Variants in PPP1R2 observed in about 807,000 individuals in gnomAD.
The protein encoded by PPP1R2 is protein phosphatase inhibitor 2.
Under a neutral mutation model 29.9 loss-of-function variants are expected in PPP1R2, and 16 were observed. The ratio of observed to expected loss-of-function variants is 0.53; its 90% CI spans 0.36 to 0.81. The LOEUF is 0.81. Ranked by LOEUF, PPP1R2 falls within the 30% of genes least tolerant of loss-of-function variation. PPP1R2 has a pLI of 0.00. For missense variants in PPP1R2, 197 were observed against 252.7 expected (o/e 0.78, Z 1.49); for synonymous variants, 76 against 91.5 (o/e 0.83, Z 0.96).
rs550230875 is a variant in PPP1R2 at position 195,516,151 on chromosome 3, T to A, written c.*745A>T. 3 of 152,620 alleles carry A rather than the reference T, an allele frequency of 2.0e-5. No homozygotes were observed. Among genetic ancestry groups the A allele is most frequent in the Admixed American group, 6.5e-5 (1 of 15,282 alleles). The allele number at this position is 152,620 out of a possible 1,614,324, so 9.5% of individuals were successfully genotyped here. ...AGCTACATTAGAATATTTATTTTTT[T>A]AAAAAACTGCTCTGAAGTCTGCCCA... On this transcript the variant is annotated 3_prime_UTR_variant, in exon 6 of 6. Transcript: ENST00000618156.
chr3:195,518,078 C>T (rs572030939), intron 5 of PPP1R2, among the ~76,000 whole-genome samples: 2 of 152,176 alleles, frequency 1.3e-5, no homozygotes, highest in South Asian at 4.1e-4. Context: ...TTTGTAAGTA[C>T]AAGGAGTAGG....
At chr3:195,527,713 C>T (rs1461932756) in intron 2 of PPP1R2, 1 of 166,386 alleles carries the variant, frequency 6.0e-6, no homozygotes, top group Non-Finnish European at 1.3e-5. Flanking sequence ...TTTTAATATA[C>T]ATTTTAGAAG....
chr3:195,532,011 T>C (rs1245656158), intron 1 of PPP1R2, among the ~76,000 whole-genome samples: 1 of 152,128 alleles, frequency 6.6e-6, no homozygotes, highest in African/African-American at 2.4e-5. Context: ...TCAAGGTTCA[T>C]TCATATTGTA....
At chr3:195,524,776 T>C (rs1318374312) in intron 3 of PPP1R2, 43 bp downstream of exon 3, 1 of 1,586,704 alleles carries the variant, frequency 6.3e-7, no homozygotes, top group Non-Finnish European at 8.7e-7. Flanking sequence ...TGCACGATTA[T>C]AAACAGCCTA....
intron 4 of PPP1R2, among the ~76,000 whole-genome samples, chr3:195,521,854 T>TTGGCCAGGC (rs1309142078): frequency 6.6e-6 from 1 of 152,128 alleles, no homozygotes. Flanking sequence ...TTTCGCCATG[T>TTGGCCAGGC]TGGCCAGGCT....
chr3:195,532,558 TAA>T (rs1321077338), intron 1 of PPP1R2, among the ~76,000 whole-genome samples: 18 of 152,106 alleles, frequency 1.2e-4, no homozygotes, highest in Admixed American at 1.2e-3. Context: ...AAAACAAATT[TAA>T]CCGGGAGACA....
At position 195,534,410 on chromosome 3, in the gene PPP1R2, G is replaced by GA. The variant is rs542512333; in HGVS notation, c.123-4510dup. On this transcript the variant is annotated intron_variant, in intron 1 of 5. Coordinates refer to ENST00000618156, the MANE Select transcript of PPP1R2 (RefSeq NM_006241.8). Reference sequence around the variant, plus strand: ...GAGAATAAAAGTGCCTGATTCTGGGGAAAAAAATGCCACAAAGGACATTTA... The same window carrying GA: ...GAGAATAAAAGTGCCTGATTCTGGGGAAAAAAAATGCCACAAAGGACATTTA... Among the ~76,000 whole-genome samples, 97 of 152,188 alleles carry GA rather than the reference G, an allele frequency of 6.4e-4. 1 individual carries two copies. Among genetic ancestry groups the GA allele is most frequent in the Middle Eastern group, 3.4e-3 (1 of 294 alleles).
chr3:195,539,322 A>G (rs1052609250), intron 1 of PPP1R2, among the ~76,000 whole-genome samples: 13 of 152,216 alleles, frequency 8.5e-5, no homozygotes, highest in African/African-American at 2.7e-4. Flanking sequence ...ACTGAGATTT[A>G]TCTATACTTA....
At chr3:195,535,920 C>G (rs894285003) in intron 1 of PPP1R2, among the ~76,000 whole-genome samples, 1 of 152,136 alleles carries the variant, frequency 6.6e-6, no homozygotes, top group Non-Finnish European at 1.5e-5. Flanking sequence ...CTCCTTCTAT[C>G]GCCTTTATCA....
Position 195,529,860 on chromosome 3 carries a change from G to A in PPP1R2, c.164C>T (p.Thr55Met). Residue 55 changes from threonine (T) to methionine (M), a missense_variant, in exon 2 of 6, where the codon ACG becomes ATG. Thr to Met is a moderately conservative substitution (Grantham distance 81). This residue lies in a region of PPP1R2 where 8 missense variants were observed against 29.2 expected (regional missense o/e 0.27). Transcript: ENST00000618156. ...QKWDEMNILA[T>M]YHPADKDYGL... ...ATAGTCTTTGTCTGCTGGATGATAC[G>A]TCGCCAAGATGTTCATTTCATCCCA... 4 of 1,611,568 alleles carry A rather than the reference G, an allele frequency of 2.5e-6. No individual in the cohort carries two copies. Among genetic ancestry groups the A allele is most frequent in the East Asian group, 2.2e-5 (1 of 44,774 alleles).
intron 1 of PPP1R2, among the ~76,000 whole-genome samples, chr3:195,537,517 G>GTGTGTGTGTGTGTGTGTA (rs1719440703): frequency 6.7e-6 from 1 of 150,032 alleles, no homozygotes; most frequent in Admixed American, 6.6e-5. Context: ...GTGTGTGTGT[G>GTGTGTGTGTGTGTGTGTA]TGTTTCCATT....
chr3:195,529,768 G>A (rs983408791), intron 2 of PPP1R2, 26 bp downstream of exon 2: 2 of 1,454,490 alleles, frequency 1.4e-6, no homozygotes, highest in African/African-American at 1.4e-5. Context: ...TAAGTCACAA[G>A]AGGAATGACG....
chr3:195,518,258 G>C (rs1443872379), intron 5 of PPP1R2, among the ~76,000 whole-genome samples: 1 of 152,112 alleles, frequency 6.6e-6, no homozygotes, highest in Non-Finnish European at 1.5e-5. Context: ...AACAAAAACA[G>C]TTAAATAACT....
rs1718569172 is a variant in PPP1R2, at chr3:195,516,946, C to A, written c.572-4G>T. 2 of 1,611,052 alleles carry A rather than the reference C, an allele frequency of 1.2e-6. No individual in the cohort carries two copies. The highest frequency in any genetic ancestry group is 2.2e-5 in the East Asian group (1 of 44,792). On this transcript the variant is annotated splice_region_variant and splice_polypyrimidine_tract_variant and intron_variant, in intron 5 of 5. Coordinates refer to ENST00000618156, the MANE Select transcript of PPP1R2 (RefSeq NM_006241.8). ...TGTTGGTCACTTGGAGTAGATCCTG[C>A]AAAGATAAAAGAAAAAGTCAACATA...
intron 4 of PPP1R2, chr3:195,519,771 A>G (rs1412135976): frequency 6.6e-6 from 1 of 152,152 alleles, no homozygotes; most frequent in Non-Finnish European, 1.5e-5. Flanking sequence ...AACGTATTAT[A>G]AAGTAATGGT....
intron 2 of PPP1R2, chr3:195,527,665 A>G (rs1719022471): frequency 6.3e-6 from 1 of 158,770 alleles, no homozygotes. Context: ...TAGTAAAAAG[A>G]AAGTACACTC....
At chr3:195,522,721 G>C (rs1488650997) in intron 4 of PPP1R2, among the ~76,000 whole-genome samples, 1 of 152,172 alleles carries the variant, frequency 6.6e-6, no homozygotes, top group South Asian at 2.1e-4. Flanking sequence ...GCCCATCATA[G>C]CTCTGTTGAA....
intron 2 of PPP1R2, 118 bp downstream of exon 2, chr3:195,529,676 T>C: frequency 1.5e-6 from 1 of 667,240 alleles, no homozygotes; most frequent in Non-Finnish European, 2.4e-6. Context: ...CTGACTTCAC[T>C]AGTGCTCCAG....
chr3:195,529,973 G>T, intron 1 of PPP1R2, 72 bp from the exon 2 acceptor site: 1 of 1,081,828 alleles, frequency 9.2e-7, no homozygotes, highest in Non-Finnish European at 1.4e-6. Context: ...ATTCACAAAT[G>T]TCCAAATTTA....
Sources: gnomAD v4.1 joint callset for allele counts (sites outside exome capture counted in the v4.1 genomes callset) on GRCh38, gnomAD v4.1.1 for gene constraint, gnomAD v4.1.1 regional missense constraint, MANE v1.5 for transcripts, NCBI Gene and HGNC (gene_info 2026-07-23, HGNC 2026-07-21) for gene names.